INTS9: variants seen among roughly 807,000 people sequenced by gnomAD.
INTS9 encodes the protein integrator complex subunit 9.
INTS9 carries 55 observed loss-of-function variants against 79.7 expected under a neutral mutation model. That is an observed-to-expected ratio of 0.69 (90% CI 0.56 to 0.86). INTS9 has a LOEUF of 0.86. Ranked by LOEUF, INTS9 falls within the 40% of genes least tolerant of loss-of-function variation. INTS9 has a pLI of 0.00. For synonymous variants in INTS9, 319 were observed against 325.2 expected, an observed-to-expected ratio of 0.98 and a Z score of 0.20; for missense variants, 721 against 831.5, an observed-to-expected ratio of 0.87 and a Z score of 1.64.
chr8:28,790,691 A>C (rs551683976), intron 10 of INTS9, among the ~76,000 whole-genome samples: 49 of 152,240 alleles, frequency 3.2e-4, no homozygotes, highest in African/African-American at 1.1e-3. Flanking sequence ...TAATGACCCC[A>C]AAAATGCAGG....
intron 8 of INTS9, among the ~76,000 whole-genome samples, chr8:28,803,483 T>G (rs1039498086): frequency 1.3e-5 from 2 of 152,244 alleles, no homozygotes; most frequent in Non-Finnish European, 2.9e-5. Flanking sequence ...ATTTTTAAAC[T>G]GTGTCCTGGG....
At chr8:28,842,530 T>C (rs1807251388) in intron 4 of INTS9, among the ~76,000 whole-genome samples, 1 of 152,228 alleles carries the variant, frequency 6.6e-6, no homozygotes, top group South Asian at 2.1e-4. Flanking sequence ...CTGCTTCTTC[T>C]ATGTCTCCTT....
rs548020265 is a variant in INTS9 at position 28,837,941 on chromosome 8, A to G, written c.262-165T>C. Among the ~76,000 whole-genome samples the G allele has an allele frequency of 2.0e-4, 30 of 152,218 alleles. No individual in the cohort carries two copies. In the South Asian group the frequency reaches 5.8e-3, roughly 29 times the overall value. ...TCTCTCATTTGAAGAGGTTTTCTAC[A>G]CTGACATTAAGTAGCAGGACAGGAC... On this transcript the variant is annotated intron_variant, in intron 4 of 16. Coordinates refer to ENST00000521022, the MANE Select transcript of INTS9 (RefSeq NM_018250.4).
At chr8:28,885,512 C>T (rs1810135216) in intron 1 of INTS9, among the ~76,000 whole-genome samples, 1 of 152,220 alleles carries the variant, frequency 6.6e-6, no homozygotes, top group Admixed American at 6.5e-5. Flanking sequence ...CAAGGGTATA[C>T]TGTGGTTGCA....
chr8:28,776,550 C>T (rs1802901965), intron 13 of INTS9, among the ~76,000 whole-genome samples: 1 of 151,932 alleles, frequency 6.6e-6, no homozygotes. Context: ...ATGCTGGCAG[C>T]CCACAGGGGC....
At chr8:28,867,720 T>G (rs1272750846) in intron 1 of INTS9, among the ~76,000 whole-genome samples, 1 of 129,014 alleles carries the variant, frequency 7.8e-6, no homozygotes, top group Non-Finnish European at 1.6e-5. Context: ...AACAAGTCTG[T>G]TTTTTTTTTT....
intron 8 of INTS9, among the ~76,000 whole-genome samples, chr8:28,811,082 G>A (rs551724217): frequency 1.3e-5 from 2 of 151,778 alleles, no homozygotes; most frequent in South Asian, 2.1e-4. Flanking sequence ...AAACACTCAC[G>A]GCTTTACGTG....
chr8:28,829,213 A>G (rs925254182), intron 6 of INTS9, among the ~76,000 whole-genome samples: 2 of 152,210 alleles, frequency 1.3e-5, no homozygotes, highest in African/African-American at 4.8e-5. Flanking sequence ...TACTTTCTTA[A>G]GTGGAATATC....
intron 2 of INTS9, among the ~76,000 whole-genome samples, chr8:28,855,229 T>C (rs941095706): frequency 9.9e-5 from 15 of 152,206 alleles, no homozygotes; most frequent in African/African-American, 3.6e-4. Flanking sequence ...GAAGATTTCT[T>C]TGAAACTATT....
At chr8:28,808,970 G>A (rs1274529135) in intron 8 of INTS9, among the ~76,000 whole-genome samples, 1 of 148,372 alleles carries the variant, frequency 6.7e-6, no homozygotes, top group Non-Finnish European at 1.5e-5. Context: ...TTTTTTTTGA[G>A]ACAGGGTCTT....
intron 4 of INTS9, among the ~76,000 whole-genome samples, chr8:28,844,696 A>T (rs1302725369): frequency 6.6e-6 from 1 of 151,862 alleles, no homozygotes; most frequent in African/African-American, 2.4e-5. Flanking sequence ...GGCACCTGTA[A>T]TCCCAGCTAC....
chr8:28,787,753 A>G (rs1224641338), intron 11 of INTS9, 76 bp downstream of exon 11: 12 of 1,028,124 alleles, frequency 1.2e-5, no homozygotes, highest in African/African-American at 9.4e-5. Flanking sequence ...ATTTCATCTA[A>G]CGACCTGCTG....
intron 2 of INTS9, among the ~76,000 whole-genome samples, chr8:28,853,763 G>T (rs778204583): frequency 1.3e-5 from 2 of 151,474 alleles, no homozygotes; most frequent in African/African-American, 2.4e-5. Flanking sequence ...AACATTATAC[G>T]TAATTTCTTT....
chr8:28,815,528 C>T (rs1327993329), intron 6 of INTS9, among the ~76,000 whole-genome samples: 1 of 152,166 alleles, frequency 6.6e-6, no homozygotes, highest in Non-Finnish European at 1.5e-5. Flanking sequence ...AAAGGAAATG[C>T]TCACTGGATT....
intron 13 of INTS9, among the ~76,000 whole-genome samples, chr8:28,777,350 T>C (rs967654484): frequency 2.6e-5 from 4 of 152,162 alleles, no homozygotes; most frequent in African/African-American, 7.2e-5. Flanking sequence ...CCTCCTGGTC[T>C]ACACTGCACC....
intron 8 of INTS9, among the ~76,000 whole-genome samples, chr8:28,803,416 A>G (rs1401820975): frequency 1.3e-5 from 2 of 152,250 alleles, no homozygotes; most frequent in Non-Finnish European, 2.9e-5. Context: ...GTTATTGCCA[A>G]TACGTTTATG....
intron 4 of INTS9, among the ~76,000 whole-genome samples, chr8:28,839,366 C>G (rs1291238836): frequency 1.3e-5 from 2 of 151,706 alleles, no homozygotes; most frequent in Non-Finnish European, 2.9e-5. Context: ...CCATACTGCC[C>G]AAGGTAATTT....
intron 6 of INTS9, among the ~76,000 whole-genome samples, chr8:28,834,328 A>C (rs543381859): frequency 6.6e-6 from 1 of 152,218 alleles, no homozygotes; most frequent in African/African-American, 2.4e-5. Flanking sequence ...AAACGTAGTC[A>C]TTAGCCTCCT....
chr8:28,865,809 T>C (rs1181334253), intron 1 of INTS9, among the ~76,000 whole-genome samples: 1 of 152,212 alleles, frequency 6.6e-6, no homozygotes, highest in Non-Finnish European at 1.5e-5. Context: ...CTTTCACAAC[T>C]GTGAAAAATA....
Sources: allele counts gnomAD v4.1 joint callset (sites outside exome capture counted in the v4.1 genomes callset), GRCh38; gene constraint gnomAD v4.1.1; transcripts MANE v1.5; gene names NCBI Gene and HGNC (gene_info 2026-07-23, HGNC 2026-07-21).